PI4KA: variants seen among roughly 807,000 people sequenced by gnomAD.
PI4KA encodes PI4-kinase alpha.
A neutral mutation model predicts 271.4 loss-of-function variants in PI4KA; 122 were observed. The ratio of observed to expected loss-of-function variants is 0.45; its 90% confidence interval spans 0.39 to 0.52. The LOEUF is 0.52. Among genes scored for constraint, PI4KA ranks in the 20% least tolerant of loss-of-function variants. The pLI, the probability that PI4KA is intolerant of heterozygous loss-of-function variation, is 0.00. For missense variants in PI4KA, 1,969 were observed against 2,769.1 expected (o/e 0.71, Z 6.48); for synonymous variants, 1,041 against 1,078.8 (o/e 0.96, Z 0.69).
At chr22:20,846,471 G>A (rs1926270288) in intron 1 of PI4KA, among the ~76,000 whole-genome samples, 1 of 151,958 alleles carries the variant, frequency 6.6e-6, no homozygotes, top group Non-Finnish European at 1.5e-5. Flanking sequence ...AGTGGGAGCT[G>A]AATGATGAGA....
chr22:20,725,800 C>T (rs953995922), intron 42 of PI4KA: 3 of 280,722 alleles, frequency 1.1e-5, no homozygotes, highest in East Asian at 8.5e-5. Context: ...GGAGGGGTAG[C>T]GGGGAAGGTG....
intron 19 of PI4KA, among the ~76,000 whole-genome samples, chr22:20,791,992 T>C (rs1032072620): frequency 2.8e-4 from 43 of 151,958 alleles, no homozygotes; most frequent in Non-Finnish European, 1.9e-4. Context: ...TCCCAGGTAC[T>C]CGGGAGACTG....
Position 20,819,838 on chromosome 22 carries a change from T to C in PI4KA, c.592A>G (p.Ser198Gly), listed in dbSNP as rs754874847. Residue 198 changes from serine to glycine, a missense_variant, in exon 6 of 55, where the codon AGC (serine) becomes GGC (glycine). Transcript: ENST00000255882. ...GAGAGGAGAGACTCTTCCATGTTGCTGTAACGCCCAAATGCTCGCGAGATT... is the reference window on the plus strand; with the variant it reads ...GAGAGGAGAGACTCTTCCATGTTGCCGTAACGCCCAAATGCTCGCGAGATT... ...IGISRAFGRY[S>G]NMEESLLSKL... is the part of the protein sequence containing the mutation. 6.2e-7 allele frequency: 1 copy of C among 1,613,978 alleles called. No homozygotes were observed. Among genetic ancestry groups the C allele is most frequent in the South Asian group, 1.1e-5 (1 of 91,076 alleles).
At position 20,791,838 on chromosome 22, in the gene PI4KA, T is replaced by A. The variant is rs909069617; in HGVS notation, c.2328+1355A>T. 4.6e-5 allele frequency among the ~76,000 whole-genome samples: 7 copies of A among 152,096 alleles called. No homozygotes were observed. In the South Asian group the frequency reaches 1.2e-3, roughly 27 times the overall value. On this transcript the variant is annotated intron_variant, in intron 19 of 54. Coordinates refer to ENST00000255882, the MANE Select transcript of PI4KA (RefSeq NM_058004.4). ...ATGGCAGGCCGGGCGCGGCAGCTCA[T>A]ACCTGTAATACCAGCACTTTGGGAG...
chr22:20,768,737 G>A (rs1932751586), intron 19 of PI4KA, among the ~76,000 whole-genome samples: 1 of 152,152 alleles, frequency 6.6e-6, no homozygotes, highest in South Asian at 2.1e-4. Context: ...CAAGACCTGG[G>A]GGTGCAGGGC....
At chr22:20,772,706 G>A (rs1932932314) in intron 19 of PI4KA, among the ~76,000 whole-genome samples, 1 of 152,200 alleles carries the variant, frequency 6.6e-6, no homozygotes, top group Non-Finnish European at 1.5e-5. Flanking sequence ...CTCTTGAGGA[G>A]CAGTCTCTGT....
In PI4KA at chr22:20,858,759, C is replaced by T. The variant is rs768299373; in HGVS notation, c.-34G>A. 14 of 1,370,558 alleles carry T rather than the reference C, an allele frequency of 1.0e-5. No homozygotes were observed. In the South Asian group the frequency reaches 1.9e-4, roughly 18 times the overall value. The allele number at this position is 1,370,558 out of a possible 1,614,324, so 84.9% of individuals were successfully genotyped here. A position where few individuals can be genotyped will look rare whatever the true frequency, so the allele number is the denominator to read the frequency against. On this transcript the variant is annotated 5_prime_UTR_variant, in exon 1 of 55. Coordinates refer to ENST00000255882, the MANE Select transcript of PI4KA (RefSeq NM_058004.4). The stretch of plus-strand genomic sequence containing the variant: ...GAGCCGCGGCGCTGCCCGCCGGCTC[C>T]CCGCTCCTGGCCCGCGAGCGCCCGA...
rs1438392630 is a variant in PI4KA at position 20,763,019 on chromosome 22, G to GGT, written c.2709-1634_2709-1633insAC. Among the ~76,000 whole-genome samples, 25 of 76,740 alleles carry GGT rather than the reference G, an allele frequency of 3.3e-4. No individual in the cohort carries two copies. In the South Asian group the frequency reaches 0.013, roughly 39 times the overall value. The allele number at this position is 76,740 out of a possible 152,430, so 50.3% of individuals were successfully genotyped here. ...CTAGGTTTTTTTGCTTTTTTTTTTG[G>GGT]GGGGGGGGGGGGTTAGAGACAAGTT... On this transcript the variant is annotated intron_variant, in intron 22 of 54. Transcript: ENST00000255882.
rs866352666 is a variant in PI4KA, at chr22:20,713,536, G to A, written c.5462-146C>T. The A allele has an allele frequency of 2.1e-4, 134 of 642,496 alleles. 2 individuals are homozygous for A. In the Middle Eastern group the frequency reaches 4.6e-3, roughly 22 times the overall value. 39.8% of individuals were successfully genotyped at this position (642,496 alleles called of 1,614,324 possible). A position where few individuals can be genotyped will look rare whatever the true frequency, so the allele number is the denominator to read the frequency against. On this transcript the variant is annotated intron_variant, in intron 47 of 54. Coordinates refer to ENST00000255882, the MANE Select transcript of PI4KA (RefSeq NM_058004.4). Reference sequence around the variant, plus strand: ...TCAAAACCCCAAGGAGGCCAAGGAGGAGCCCAGCAGGGCCCAAGGAAAGCC... The same window carrying A: ...TCAAAACCCCAAGGAGGCCAAGGAGAAGCCCAGCAGGGCCCAAGGAAAGCC...
chr22:20,737,700 T>G (rs1360998542), intron 32 of PI4KA, among the ~76,000 whole-genome samples: 2 of 151,640 alleles, frequency 1.3e-5, no homozygotes, highest in African/African-American at 4.8e-5. Context: ...GGTGCGATCT[T>G]GGCTCACCGC....
At chr22:20,753,976 G>A (rs1249031821) in intron 23 of PI4KA, among the ~76,000 whole-genome samples, 8 of 150,998 alleles carry the variant, frequency 5.3e-5, no homozygotes, top group Middle Eastern at 3.6e-3. Context: ...GTGAGCCACC[G>A]TGTCCGGCCT....
At chr22:20,785,532 C>T (rs1174415726) in intron 19 of PI4KA, among the ~76,000 whole-genome samples, 3 of 152,182 alleles carry the variant, frequency 2.0e-5, no homozygotes, top group Non-Finnish European at 2.9e-5. Context: ...TGTTGCTATC[C>T]GCCCCCTTAG....
chr22:20,708,037 G>A lies in PI4KA; in HGVS notation c.*10C>T. The A allele has an allele frequency of 6.2e-7, 1 of 1,604,114 alleles. No individual in the cohort carries two copies. The highest frequency in any genetic ancestry group is 8.5e-7 in the Non-Finnish European group (1 of 1,170,996). ...GGCACATGGGGCAGAGGCCCTCGAA[G>A]GTCCCCTCCTCAGTAGGGGATGTCA... On this transcript the variant is annotated 3_prime_UTR_variant, in exon 55 of 55. Coordinates refer to ENST00000255882, the MANE Select transcript of PI4KA (RefSeq NM_058004.4).
At chr22:20,740,260 C>T (rs1929264852) in intron 32 of PI4KA, among the ~76,000 whole-genome samples, 1 of 150,134 alleles carries the variant, frequency 6.7e-6, no homozygotes, top group Non-Finnish European at 1.5e-5. Flanking sequence ...AACTGGTATA[C>T]AGGTTAAAAA....
At chr22:20,817,943 G>GGTGAA (rs2147684189) in intron 7 of PI4KA, among the ~76,000 whole-genome samples, 1 of 151,758 alleles carries the variant, frequency 6.6e-6, no homozygotes, top group African/African-American at 2.4e-5. Context: ...TGGCCACCAT[G>GGTGAA]GTGAAACCCT....
chr22:20,823,036 C>T lies in PI4KA; in HGVS notation c.456+1290G>A, dbSNP rs1027405208. Among the ~76,000 whole-genome samples the T allele has an allele frequency of 7.2e-5, 11 of 152,252 alleles. No homozygotes were observed. The East Asian group carries it at 1.9e-3, about 27-fold the overall frequency. ...TCAAGTGATTCTCATGCCTCAGCCT[C>T]CCGAGTAGCTAGGATTACAGGCTCC... On this transcript the variant is annotated intron_variant, in intron 4 of 54. Transcript: ENST00000255882.
intron 3 of PI4KA, 145 bp from the exon 4 acceptor site, chr22:20,824,559 A>G (rs977574528): frequency 8.3e-6 from 5 of 605,136 alleles, no homozygotes; most frequent in Admixed American, 6.1e-5. Flanking sequence ...ACGAGTCTCA[A>G]AAGAACAGCT....
chr22:20,710,202 G>A (rs1398711468), intron 52 of PI4KA: 15 of 632,168 alleles, frequency 2.4e-5, no homozygotes, highest in South Asian at 1.6e-4. Context: ...CTGCCCACAC[G>A]CACTCTGGAC....
In PI4KA at chr22:20,733,823, G is replaced by T; in HGVS notation, c.4073C>A (p.Ser1358Tyr). Residue 1358 changes from serine to tyrosine, a missense_variant, in exon 35 of 55, where the codon TCC becomes TAC. Coordinates refer to ENST00000255882, the MANE Select transcript of PI4KA (RefSeq NM_058004.4). ...TGGAACCACATCGGCATGCAGGAGG[G>T]ACAGCCCCAGGGTCAGCAGCCTGTG... is the stretch of plus-strand genomic sequence containing the variant. Reference protein sequence around the residue: ...PRFKLLTLGLSLLHADVVPNA... With the variant: ...PRFKLLTLGLYLLHADVVPNA... 1 of 1,612,218 alleles carries T rather than the reference G, an allele frequency of 6.2e-7. No individual in the cohort carries two copies. Among genetic ancestry groups the T allele is most frequent in the South Asian group, 1.1e-5 (1 of 90,998 alleles).
Sources: gnomAD v4.1 joint callset for allele counts (sites outside exome capture counted in the v4.1 genomes callset) on GRCh38, gnomAD v4.1.1 for gene constraint, MANE v1.5 for transcripts, NCBI Gene and HGNC (gene_info 2026-07-23, HGNC 2026-07-21) for gene names.